The following MCF2L variants were observed in gnomAD, a reference collection of about 807,000 sequenced individuals.
The protein encoded by MCF2L is MCF.2 cell line derived transforming sequence like.
Under a neutral mutation model 153.4 loss-of-function variants are expected in MCF2L, and 97 were observed. The ratio of observed to expected loss-of-function variants is 0.63; its 90% confidence interval spans 0.54 to 0.75. The LOEUF (loss-of-function observed/expected upper bound fraction) is 0.75, where lower values mean the gene tolerates loss of function less well. Ranked by LOEUF, MCF2L falls within the 30% of genes least tolerant of loss-of-function variation. MCF2L has a pLI of 0.00. For synonymous variants in MCF2L, 659 were observed against 632.2 expected (o/e 1.04, Z -0.64); for missense variants, 1,347 against 1,495.2 (o/e 0.90, Z 1.64).
At chr13:112,968,497 G>T, upstream of MCF2L, 1 of 1,584,420 alleles carries the variant, frequency 6.3e-7, no homozygotes, top group South Asian at 1.1e-5. Context: ...TGCCTGCAGC[G>T]CGCGCTTCCC....
chr13:113,005,733 T>C (rs954704815), intron 1 of MCF2L, among the ~76,000 whole-genome samples: 2 of 152,208 alleles, frequency 1.3e-5, no homozygotes, highest in Non-Finnish European at 2.9e-5. Context: ...TTGGGTATTC[T>C]AACTGTAAAA....
Position 112,982,023 on chromosome 13 carries a change from C to A in MCF2L, c.79+12565C>A, listed in dbSNP as rs1053860595. Among the ~76,000 whole-genome samples the A allele has an allele frequency of 5.9e-5, 9 of 152,124 alleles. No homozygotes were observed. In the South Asian group the frequency reaches 1.0e-3, roughly 18 times the overall value. On this transcript the variant is annotated intron_variant, in intron 1 of 29. Transcript: ENST00000535094. Reference sequence around the variant, plus strand: ...GGGAAGATGCTCAGCTCATGTTGGACCTGAAGGTTGTGGGAAACTAGGCCC... The same window carrying A: ...GGGAAGATGCTCAGCTCATGTTGGAACTGAAGGTTGTGGGAAACTAGGCCC...
intron 2 of MCF2L, among the ~76,000 whole-genome samples, chr13:113,017,820 C>T (rs1201242838): frequency 2.0e-5 from 3 of 152,228 alleles, no homozygotes; most frequent in South Asian, 2.1e-4. Context: ...CAGCCTGTTC[C>T]GTGGACTTTT....
chr13:112,912,209 CA>C (rs1264062587), intron 2 of MCF2L, among the ~76,000 whole-genome samples: 4 of 152,198 alleles, frequency 2.6e-5, no homozygotes, highest in Admixed American at 6.5e-5. Context: ...CCTTTCTCTT[CA>C]GGCAATTTCA....
chr13:113,021,933 C>T (rs1009184161), intron 2 of MCF2L, among the ~76,000 whole-genome samples: 3 of 152,214 alleles, frequency 2.0e-5, no homozygotes, highest in Non-Finnish European at 4.4e-5. Context: ...ACCAACTGAA[C>T]GAGGCTGTGC....
chr13:113,095,893 A>C, intron 27 of MCF2L: 1 of 714,068 alleles, frequency 1.4e-6, no homozygotes, highest in Non-Finnish European at 1.8e-6. Flanking sequence ...AAGCGGGAAC[A>C]GCACAGACAG....
At chr13:112,902,044 G>C (rs765977089) in intron 1 of MCF2L, among the ~76,000 whole-genome samples, 2 of 152,212 alleles carry the variant, frequency 1.3e-5, no homozygotes, top group African/African-American at 4.8e-5. Flanking sequence ...GAAATTGACC[G>C]GAGAAGAATG....
In MCF2L at chr13:113,031,088, CAG is replaced by C. The variant is rs2085666260; in HGVS notation, c.278+6334_278+6335del. 7.6e-6 allele frequency among the ~76,000 whole-genome samples: 1 copy of C among 132,306 alleles called. No homozygotes were observed. The highest frequency in any genetic ancestry group is 7.5e-5 in the Admixed American group (1 of 13,370). The allele number at this position is 132,306 out of a possible 152,430, so 86.8% of individuals were successfully genotyped here. A position where few individuals can be genotyped will look rare whatever the true frequency, so the allele number is the denominator to read the frequency against. On this transcript the variant is annotated intron_variant, in intron 3 of 29. Coordinates refer to ENST00000535094, the MANE Select transcript of MCF2L (RefSeq NM_001112732.3). The surrounding 1 kb of genome is among the most constrained non-coding windows in gnomAD (Gnocchi z 5.5). Reference sequence around the variant, plus strand: ...AGAGACAGAGACAGACAGATACAGACAGAGACAGAGACAGAGAGAGACAGAGA... The same window carrying C: ...AGAGACAGAGACAGACAGATACAGACAGACAGAGACAGAGAGAGACAGAGA...
chr13:113,094,479 C>T (rs745704267), intron 26 of MCF2L, 35 bp from the exon 27 acceptor site: 1 of 1,589,568 alleles, frequency 6.3e-7, no homozygotes, highest in Non-Finnish European at 8.6e-7. Flanking sequence ...CGGCTCATCA[C>T]CGGGGGGTCC....
chr13:113,001,199 G>T (rs2083357694), intron 1 of MCF2L: 1 of 152,130 alleles, frequency 6.6e-6, no homozygotes, highest in South Asian at 2.1e-4. Context: ...TAGAGAGGCA[G>T]CCGGGAGCCT....
Position 113,098,237 on chromosome 13 carries a change from C to T in MCF2L, c.*1378C>T, listed in dbSNP as rs1216749215. On this transcript the variant is annotated 3_prime_UTR_variant, in exon 30 of 30. Transcript: ENST00000535094. ...CGCTACCCTCCCAGCGGCTTGTAGC[C>T]GTCACTGGCCAGACCTCCAGGGTGC... 2 of 152,562 alleles carry T rather than the reference C, an allele frequency of 1.3e-5. No individual in the cohort carries two copies. Among genetic ancestry groups the T allele is most frequent in the African/African-American group, 2.4e-5 (1 of 41,448 alleles). The allele number at this position is 152,562 out of a possible 1,614,324, so 9.5% of individuals were successfully genotyped here. A position where few individuals can be genotyped will look rare whatever the true frequency, so the allele number is the denominator to read the frequency against.
In MCF2L at chr13:113,074,351, T is replaced by G; in HGVS notation, c.997-93T>G. ...GATGACCACTTGGCCCGACTTTGAA[T>G]TCTGTCATTTCCCTGATCTGGAGCA... On this transcript the variant is annotated intron_variant, in intron 9 of 29. Transcript: ENST00000535094. This position sits in a 1 kb window ranked among gnomAD's most constrained non-coding sequence, Gnocchi z 4.2. 1 of 1,514,636 alleles carries G rather than the reference T, an allele frequency of 6.6e-7. No homozygotes were observed. Among genetic ancestry groups the G allele is most frequent in the Middle Eastern group, 1.7e-4 (1 of 5,750 alleles). 93.8% of individuals were successfully genotyped at this position (1,514,636 alleles called of 1,614,324 possible). A position where few individuals can be genotyped will look rare whatever the true frequency, so the allele number is the denominator to read the frequency against.
At chr13:112,901,048 C>A (rs1251197547) in intron 1 of MCF2L, among the ~76,000 whole-genome samples, 1 of 152,188 alleles carries the variant, frequency 6.6e-6, no homozygotes, top group African/African-American at 2.4e-5. Context: ...GAGGGATTTC[C>A]CCAGGGAGCT....
intron 1 of MCF2L, among the ~76,000 whole-genome samples, chr13:112,988,039 C>T (rs2082720362): frequency 6.6e-6 from 1 of 152,190 alleles, no homozygotes; most frequent in Non-Finnish European, 1.5e-5. Context: ...AGAAGAGAGT[C>T]ACAGGGTCAG....
At chr13:113,013,686 C>T (rs1027610691) in intron 1 of MCF2L, among the ~76,000 whole-genome samples, 4 of 152,240 alleles carry the variant, frequency 2.6e-5, no homozygotes, top group African/African-American at 7.2e-5. Flanking sequence ...AAGCCATTCT[C>T]AGGTCATCAG....
At chr13:112,979,697 C>G (rs1329112095) in intron 1 of MCF2L, 2 of 1,612,796 alleles carry the variant, frequency 1.2e-6, no homozygotes, top group African/African-American at 1.3e-5. Context: ...CCCGGGGAAC[C>G]CTGCGGCGGC....
At chr13:112,916,146 T>G (rs979286875) in intron 2 of MCF2L, among the ~76,000 whole-genome samples, 1 of 148,000 alleles carries the variant, frequency 6.8e-6, no homozygotes, top group African/African-American at 2.6e-5. Context: ...AGGCGGAGGT[T>G]GCAGTGAGCT....
chr13:113,013,426 C>G (rs1341677274), intron 1 of MCF2L, among the ~76,000 whole-genome samples: 2 of 152,158 alleles, frequency 1.3e-5, no homozygotes, highest in Admixed American at 6.5e-5. Context: ...GTGTCTGGCT[C>G]GGAGGCAAAG....
chr13:113,073,481 C>T (rs543826374), intron 9 of MCF2L, among the ~76,000 whole-genome samples: 1 of 152,214 alleles, frequency 6.6e-6, no homozygotes, highest in African/African-American at 2.4e-5. Context: ...AAGAATCCTG[C>T]CTTCCTGGCC....
Sources: gnomAD v4.1 joint callset for allele counts (sites outside exome capture counted in the v4.1 genomes callset) on GRCh38, gnomAD v4.1.1 for gene constraint, Gnocchi (gnomAD v3.1) non-coding constraint, MANE v1.5 for transcripts, NCBI Gene and HGNC (gene_info 2026-07-23, HGNC 2026-07-21) for gene names.